TFG: variants seen among roughly 807,000 people sequenced by gnomAD.
The protein encoded by TFG is protein TFG.
TFG carries 22 observed loss-of-function variants against 51.4 expected under a neutral mutation model. The ratio of observed to expected loss-of-function variants is 0.43; its 90% CI spans 0.31 to 0.61. The LOEUF (loss-of-function observed/expected upper bound fraction) is 0.61, where lower values mean the gene tolerates loss of function less well. TFG is among the 20% of genes least tolerant of loss of function. The pLI is 0.12. For missense variants in TFG, 419 were observed against 487.7 expected, an observed-to-expected ratio of 0.86 and a Z score of 1.33; for synonymous variants, 187 against 165.6, an observed-to-expected ratio of 1.13 and a Z score of -0.99.
At chr3:100,724,578 G>A (rs1006067886) in intron 3 of TFG, among the ~76,000 whole-genome samples, 1 of 152,120 alleles carries the variant, frequency 6.6e-6, no homozygotes, top group Admixed American at 6.5e-5. Context: ...CAAGAGCATA[G>A]GCAAAGAGGG....
chr3:100,731,633 T>C (rs1397950427), intron 4 of TFG, among the ~76,000 whole-genome samples: 1 of 152,184 alleles, frequency 6.6e-6, no homozygotes, highest in East Asian at 1.9e-4. Flanking sequence ...CTCAGCTCAC[T>C]ACAAACTTTG....
At chr3:100,727,395 A>G (rs537723084) in intron 3 of TFG, among the ~76,000 whole-genome samples, 2 of 151,384 alleles carry the variant, frequency 1.3e-5, no homozygotes, top group African/African-American at 4.8e-5. Flanking sequence ...AAAGCTTATA[A>G]TTGGTGGTTT....
chr3:100,725,622 C>CAAAAAAAAAAAA (rs763163559), intron 3 of TFG, among the ~76,000 whole-genome samples: 7 of 83,470 alleles, frequency 8.4e-5, no homozygotes, highest in Admixed American at 1.4e-4. Flanking sequence ...ACCAAAAATA[C>CAAAAAAAAAAAA]AAAAAAAAAA....
At position 100,744,876 on chromosome 3, in the gene TFG, ACAGCAGCCGCAGGCTCCACCT is replaced by A. The variant is rs774780984; in HGVS notation, c.774_794del (p.Ala260_Gln266del). On this transcript the variant is annotated inframe_deletion, in exon 7 of 8. Coordinates refer to ENST00000240851, the MANE Select transcript of TFG (RefSeq NM_006070.6). ...ACCAGCAACAGGCCGGCTATGGTGC[ACAGCAGCCGCAGGCTCCACCT>A]CAGCAGCCTCAACAGTATGGTATTC... 1 of 1,613,732 alleles carries A rather than the reference ACAGCAGCCGCAGGCTCCACCT, an allele frequency of 6.2e-7. No individual in the cohort carries two copies. Among genetic ancestry groups the A allele is most frequent in the Non-Finnish European group, 8.5e-7 (1 of 1,179,742 alleles).
intron 3 of TFG, 133 bp from the exon 4 acceptor site, chr3:100,728,579 A>G (rs902475752): frequency 1.4e-6 from 1 of 693,708 alleles, no homozygotes; most frequent in Non-Finnish European, 2.2e-6. Context: ...TTTTAAAAAA[A>G]AAGTTACTCC....
intron 6 of TFG, among the ~76,000 whole-genome samples, chr3:100,742,300 A>T (rs1406940367): frequency 2.0e-5 from 3 of 152,206 alleles, no homozygotes; most frequent in Middle Eastern, 3.2e-3. Flanking sequence ...ACCATAGGCT[A>T]ATTGATATGA....
At chr3:100,716,693 C>T (rs2095047433) in intron 2 of TFG, among the ~76,000 whole-genome samples, 1 of 152,124 alleles carries the variant, frequency 6.6e-6, no homozygotes, top group Non-Finnish European at 1.5e-5. Flanking sequence ...TCATTCTTGC[C>T]AGCATTTGTT....
intron 7 of TFG, among the ~76,000 whole-genome samples, chr3:100,745,796 GT>G (rs956643722): frequency 1.3e-5 from 2 of 152,130 alleles, no homozygotes; most frequent in Non-Finnish European, 2.9e-5. Context: ...ACTATTGCCT[GT>G]TTTTTTGAAT....
intron 2 of TFG, among the ~76,000 whole-genome samples, chr3:100,718,538 T>C (rs2095052342): frequency 6.7e-6 from 1 of 148,766 alleles, no homozygotes; most frequent in Non-Finnish European, 1.5e-5. Context: ...GTTACAACTT[T>C]GTATTTCATG....
intron 2 of TFG, among the ~76,000 whole-genome samples, chr3:100,714,909 T>C (rs1454983988): frequency 6.6e-6 from 1 of 152,254 alleles, no homozygotes; most frequent in South Asian, 2.1e-4. Flanking sequence ...AGAATTATAG[T>C]AGTAGACTGT....
chr3:100,727,409 T>A (rs1473913439), intron 3 of TFG, among the ~76,000 whole-genome samples: 5 of 151,676 alleles, frequency 3.3e-5, no homozygotes, highest in African/African-American at 1.2e-4. Context: ...GTGGTTTGAT[T>A]TTGAAACATG....
intron 6 of TFG, chr3:100,744,253 CTT>C (rs1258981252): frequency 6.6e-6 from 1 of 152,118 alleles, no homozygotes; most frequent in Non-Finnish European, 1.5e-5. Context: ...ACCATTTAGA[CTT>C]TATTAGAGTC....
intron 7 of TFG, among the ~76,000 whole-genome samples, chr3:100,745,744 A>G (rs1170907520): frequency 6.6e-6 from 1 of 152,224 alleles, no homozygotes; most frequent in Non-Finnish European, 1.5e-5. Context: ...GGTATCAGCT[A>G]GAGCAGGAGT....
At chr3:100,710,685 C>T (rs2095028300) in intron 1 of TFG, among the ~76,000 whole-genome samples, 1 of 152,144 alleles carries the variant, frequency 6.6e-6, no homozygotes, top group African/African-American at 2.4e-5. Flanking sequence ...AGATTATTCC[C>T]AGTGCTGAGA....
At chr3:100,724,817 T>C (rs1456584158) in intron 3 of TFG, among the ~76,000 whole-genome samples, 1 of 152,172 alleles carries the variant, frequency 6.6e-6, no homozygotes, top group Non-Finnish European at 1.5e-5. Flanking sequence ...TAAAACAGAT[T>C]AAAGGAGAAA....
rs561739143 is a variant in TFG, at chr3:100,716,084, CCTT to C, written c.184+2218_184+2220del. Among the ~76,000 whole-genome samples the C allele has an allele frequency of 3.3e-5, 5 of 152,094 alleles. No homozygotes were observed. The South Asian group carries it at 1.0e-3, about 32-fold the overall frequency. ...TTGGGTTAGAAACATTCAATATTCT[CCTT>C]CTAGCTATTTGAAATTATATAATAT... On this transcript the variant is annotated intron_variant, in intron 2 of 7. Coordinates refer to ENST00000240851, the MANE Select transcript of TFG (RefSeq NM_006070.6).
chr3:100,738,548 G>A (rs186447013), intron 6 of TFG, among the ~76,000 whole-genome samples: 4 of 152,234 alleles, frequency 2.6e-5, no homozygotes, highest in South Asian at 2.1e-4. Flanking sequence ...TTAAAAATGC[G>A]AAAGGACATA....
chr3:100,734,765 A>T (rs1043889141), intron 5 of TFG, among the ~76,000 whole-genome samples: 1 of 152,184 alleles, frequency 6.6e-6, no homozygotes, highest in African/African-American at 2.4e-5. Context: ...TGAAAATTTG[A>T]TGAGGTCAGA....
intron 2 of TFG, among the ~76,000 whole-genome samples, chr3:100,716,579 TGTTA>T (rs1302317059): frequency 6.6e-6 from 1 of 152,188 alleles, no homozygotes; most frequent in African/African-American, 2.4e-5. Flanking sequence ...CTGAATTGTG[TGTTA>T]GTTCGATTTA....
Sources: gnomAD v4.1 joint callset for allele counts (sites outside exome capture counted in the v4.1 genomes callset) on GRCh38, gnomAD v4.1.1 for gene constraint, MANE v1.5 for transcripts, NCBI Gene and HGNC (gene_info 2026-07-23, HGNC 2026-07-21) for gene names.